MBD5: variants seen among roughly 807,000 people sequenced by gnomAD.
MBD5 encodes methyl-CpG binding domain protein 5, also known as methyl-CpG-binding domain protein 5.
A neutral mutation model predicts 117.3 loss-of-function variants in MBD5; 13 were observed. The observed-to-expected ratio is 0.11, with a 90% confidence interval of 0.07 to 0.18. The LOEUF (loss-of-function observed/expected upper bound fraction) is 0.18, where lower values mean the gene tolerates loss of function less well. Ranked by LOEUF, MBD5 falls within the 10% of genes least tolerant of loss-of-function variation. The pLI is 1.00. For synonymous variants in MBD5, 727 were observed against 766.4 expected (o/e 0.95, Z 0.85); for missense variants, 1,879 against 2,093.8 (o/e 0.90, Z 2.00).
Position 148,112,202 on chromosome 2 carries a change from G to GA in MBD5, c.-924-66496dup, listed in dbSNP as rs148484298. 3.3e-3 allele frequency among the ~76,000 whole-genome samples: 497 copies of GA among 152,248 alleles called. 7 individuals are homozygous for GA. Among genetic ancestry groups the GA allele is most frequent in the African/African-American group, 0.011 (474 of 41,560 alleles). The stretch of plus-strand genomic sequence containing the variant: ...TTTCTTAGGTTTGAAATTTTTCAAA[G>GA]AATTTATAGTTCTCCTAGCCTATAT... On this transcript the variant is annotated intron_variant, in intron 1 of 13. Coordinates refer to ENST00000642680, the MANE Select transcript of MBD5 (RefSeq NM_001378120.1).
At chr2:148,509,495 G>C (rs1326705829) in intron 12 of MBD5, among the ~76,000 whole-genome samples, 5 of 152,156 alleles carry the variant, frequency 3.3e-5, no homozygotes, top group East Asian at 1.9e-4. Context: ...TTTGGCCCTG[G>C]GGGGCAGGCT....
At chr2:148,300,293 T>C (rs559411440) in intron 3 of MBD5, among the ~76,000 whole-genome samples, 1 of 152,258 alleles carries the variant, frequency 6.6e-6, no homozygotes, top group East Asian at 1.9e-4. Context: ...TGACATATCA[T>C]CCACCTGCCT....
rs753239849 is a variant in MBD5 at position 148,489,620 on chromosome 2, A to G, written c.3988A>G (p.Ser1330Gly). The change falls in exon 11 of 14, where the codon AGC becomes GGC. Residue 1330 changes from serine to glycine, a missense_variant. Physicochemically the swap from Ser to Gly is moderately conservative, Grantham distance 56 (BLOSUM62 0). Coordinates refer to ENST00000642680, the MANE Select transcript of MBD5 (RefSeq NM_001378120.1). ...AIYKAVVDAA[S>G]KGMQVVITTA... is the part of the protein sequence containing the mutation. Reference sequence around the variant, plus strand: ...TTACAAAGCAGTTGTCGATGCAGCCAGCAAAGGAATGCAGGTTGTCATCAC... The same window carrying G: ...TTACAAAGCAGTTGTCGATGCAGCCGGCAAAGGAATGCAGGTTGTCATCAC... The G allele has an allele frequency of 3.1e-6, 5 of 1,614,208 alleles. No individual in the cohort carries two copies. In the Admixed American group the frequency reaches 6.7e-5, roughly 22 times the overall value.
Position 148,353,331 on chromosome 2 carries a change from G to A in MBD5, c.-557+10995G>A, listed in dbSNP as rs73965354. Among the ~76,000 whole-genome samples the A allele has an allele frequency of 8.1e-3, 1,238 of 152,180 alleles. 16 individuals carry two copies. Among genetic ancestry groups the A allele is most frequent in the African/African-American group, 0.028 (1,162 of 41,528 alleles). On this transcript the variant is annotated intron_variant, in intron 4 of 13. Coordinates refer to ENST00000642680, the MANE Select transcript of MBD5 (RefSeq NM_001378120.1). Reference sequence around the variant, plus strand: ...GTGTTTAAATCAGATTAAAACATGCGCATGGTTAAAATAAATGGTCCTTTG... The same window carrying A: ...GTGTTTAAATCAGATTAAAACATGCACATGGTTAAAATAAATGGTCCTTTG...
At chr2:148,314,465 C>T (rs1312024289) in intron 3 of MBD5, among the ~76,000 whole-genome samples, 3 of 150,730 alleles carry the variant, frequency 2.0e-5, no homozygotes, top group African/African-American at 2.4e-5. Context: ...GCAACCTCCA[C>T]CTCCCAGGTT....
intron 8 of MBD5, 49 bp from the exon 9 acceptor site, chr2:148,483,061 C>A: frequency 6.3e-7 from 1 of 1,583,324 alleles, no homozygotes; most frequent in African/African-American, 1.4e-5. Context: ...TCTCACATAA[C>A]ATTCATGATT....
intron 3 of MBD5, among the ~76,000 whole-genome samples, chr2:148,255,510 G>T (rs570378822): frequency 6.6e-6 from 1 of 152,202 alleles, no homozygotes; most frequent in South Asian, 2.1e-4. Flanking sequence ...GGGGTGCTTG[G>T]AGGGTCCATG....
chr2:148,191,077 C>T (rs1321395684), intron 2 of MBD5, among the ~76,000 whole-genome samples: 2 of 133,534 alleles, frequency 1.5e-5, no homozygotes, highest in East Asian at 4.8e-4. Context: ...TATTTATGCA[C>T]CCAATACAGG....
At chr2:148,157,222 T>C (rs1193883628) in intron 1 of MBD5, among the ~76,000 whole-genome samples, 1 of 152,100 alleles carries the variant, frequency 6.6e-6, no homozygotes, top group Non-Finnish European at 1.5e-5. Flanking sequence ...TGTGCCCTGG[T>C]GGTTTGCTGC....
chr2:148,280,958 T>A (rs1701232120), intron 3 of MBD5, among the ~76,000 whole-genome samples: 1 of 152,216 alleles, frequency 6.6e-6, no homozygotes, highest in Non-Finnish European at 1.5e-5. Context: ...ATTTAACTAT[T>A]GTTACTTTAC....
At position 148,302,561 on chromosome 2, in the gene MBD5, T is replaced by C. The variant is rs546481199; in HGVS notation, c.-679-39653T>C. On this transcript the variant is annotated intron_variant, in intron 3 of 13. Transcript: ENST00000642680. Reference sequence around the variant, plus strand: ...TATATCAAGTCCATTTAATTACATATAGATGTGGGACTTAGATTGGATTAT... The same window carrying C: ...TATATCAAGTCCATTTAATTACATACAGATGTGGGACTTAGATTGGATTAT... Among the ~76,000 whole-genome samples, 4 of 152,334 alleles carry C rather than the reference T, an allele frequency of 2.6e-5. No homozygotes were observed. In the East Asian group the frequency reaches 7.7e-4, roughly 29 times the overall value.
intron 3 of MBD5, among the ~76,000 whole-genome samples, chr2:148,259,449 C>T (rs1249343962): frequency 1.3e-5 from 2 of 152,150 alleles, no homozygotes; most frequent in Non-Finnish European, 2.9e-5. Context: ...CAGCTGCCAC[C>T]GTGTATCACA....
chr2:148,132,154 T>C (rs562013906), intron 1 of MBD5, among the ~76,000 whole-genome samples: 8 of 152,214 alleles, frequency 5.3e-5, no homozygotes, highest in Non-Finnish European at 8.8e-5. Context: ...CTACTGAGTA[T>C]AATGCCTCGC....
At chr2:148,271,396 G>A (rs1700982796) in intron 3 of MBD5, among the ~76,000 whole-genome samples, 1 of 152,042 alleles carries the variant, frequency 6.6e-6, no homozygotes, top group African/African-American at 2.4e-5. Flanking sequence ...ATTTACTTTT[G>A]AATGTTTGAT....
chr2:148,424,363 G>A (rs990300845), intron 4 of MBD5, among the ~76,000 whole-genome samples: 1 of 151,276 alleles, frequency 6.6e-6, no homozygotes, highest in Non-Finnish European at 1.5e-5. Context: ...ACCCAATACG[G>A]GAGCACCCAG....
At chr2:148,072,096 C>T (rs1414997136) in intron 1 of MBD5, 1 of 152,104 alleles carries the variant, frequency 6.6e-6, no homozygotes, top group Non-Finnish European at 1.5e-5. Flanking sequence ...TGTTTATTCA[C>T]CTAGAGAATT....
At position 148,159,273 on chromosome 2, in the gene MBD5, T is replaced by C. The variant is rs143595052; in HGVS notation, c.-924-19427T>C. ...CCTCAAATACAAACAGTCCTCATTT[T>C]GCAGATAAGTTGTCTTCTAATTATA... is the stretch of plus-strand genomic sequence containing the variant. On this transcript the variant is annotated intron_variant, in intron 1 of 13. Coordinates refer to ENST00000642680, the MANE Select transcript of MBD5 (RefSeq NM_001378120.1). Among the ~76,000 whole-genome samples the C allele has an allele frequency of 1.7e-3, 254 of 152,284 alleles. 2 individuals are homozygous for C. The highest frequency in any genetic ancestry group is 5.8e-3 in the African/African-American group (242 of 41,536).
intron 1 of MBD5, among the ~76,000 whole-genome samples, chr2:148,092,519 A>G (rs1695969602): frequency 6.6e-6 from 1 of 152,210 alleles, no homozygotes; most frequent in African/African-American, 2.4e-5. Context: ...ATCCACAGCA[A>G]CCTGGATGGA....
intron 4 of MBD5, among the ~76,000 whole-genome samples, chr2:148,398,079 G>C (rs1459070405): frequency 1.3e-5 from 2 of 152,156 alleles, no homozygotes; most frequent in East Asian, 3.9e-4. Flanking sequence ...TTGGTTCCAA[G>C]TCTTTGCTAT....
Sources: allele counts gnomAD v4.1 joint callset (sites outside exome capture counted in the v4.1 genomes callset), GRCh38; gene constraint gnomAD v4.1.1; transcripts MANE v1.5; gene names NCBI Gene and HGNC (gene_info 2026-07-23, HGNC 2026-07-21).